NETO1: variants seen among roughly 807,000 people sequenced by gnomAD.
The protein encoded by NETO1 is neuropilin and tolloid-like protein 1.
In NETO1, 26 loss-of-function variants were observed where a neutral mutation model predicts 61.3. The ratio of observed to expected loss-of-function variants is 0.42; its 90% CI spans 0.31 to 0.59. The LOEUF is 0.59. Ranked by LOEUF, NETO1 falls within the 20% of genes least tolerant of loss-of-function variation. The pLI is 0.12. For synonymous variants in NETO1, 225 were observed against 225.8 expected (o/e 1.00, Z 0.03); for missense variants, 531 against 662.8 (o/e 0.80, Z 2.18).
chr18:72,795,455 T>C (rs1028664540), intron 4 of NETO1, among the ~76,000 whole-genome samples: 1 of 152,206 alleles, frequency 6.6e-6, no homozygotes, highest in East Asian at 1.9e-4. Flanking sequence ...TTGTATTATC[T>C]TATTTGATGC....
Position 72,860,969 on chromosome 18 carries a change from G to C in NETO1, c.221-1895C>G, listed in dbSNP as rs145952693. ...TTTTATGATGAAACAAATTATTTCGGATTGTAGGTTAATTTAAATAACGTA... is the reference window on the plus strand; with the variant it reads ...TTTTATGATGAAACAAATTATTTCGCATTGTAGGTTAATTTAAATAACGTA... On this transcript the variant is annotated intron_variant, in intron 3 of 10. Transcript: ENST00000327305. Among the ~76,000 whole-genome samples, 156 of 152,248 alleles carry C rather than the reference G, an allele frequency of 1.0e-3. 3 individuals carry two copies. In the East Asian group the frequency reaches 0.026, roughly 25 times the overall value.
intron 7 of NETO1, among the ~76,000 whole-genome samples, chr18:72,769,046 GAGAGGGCAGTGA>G (rs2071258782): frequency 6.6e-6 from 1 of 152,212 alleles, no homozygotes; most frequent in South Asian, 2.1e-4. Context: ...GCAGGGACAG[GAGAGGGCAGTGA>G]TGAGAAAAGT....
rs1373717641 is a variant in NETO1 at position 72,783,703 on chromosome 18, C to G, written c.843G>C (p.Gln281His). Residue 281 changes from glutamine to histidine, a missense_variant, in exon 7 of 11, where the codon CAG becomes CAC. Gln to His is a conservative substitution (Grantham distance 24, BLOSUM62 0). Coordinates refer to ENST00000327305, the MANE Select transcript of NETO1 (RefSeq NM_138966.5). ...GTTCTTGAAAGGATGTGAAGAGCAT[C>G]TGAAATCGGCTGTTTCGACTGCCCT... ...ADEGSRNSRF[Q>H]MLFTSFQEPP... 1.2e-6 allele frequency: 2 copies of G among 1,614,176 alleles called. No homozygotes were observed. Among genetic ancestry groups the G allele is most frequent in the Non-Finnish European group, 1.7e-6 (2 of 1,180,018 alleles).
At chr18:72,852,638 T>C (rs1158622752) in intron 4 of NETO1, among the ~76,000 whole-genome samples, 1 of 152,148 alleles carries the variant, frequency 6.6e-6, no homozygotes, top group East Asian at 1.9e-4. Context: ...TCTCAGCTTT[T>C]CTCCTGAACA....
At chr18:72,772,388 G>A (rs67721138) in intron 7 of NETO1, among the ~76,000 whole-genome samples, 48,803 of 151,530 alleles carry the variant, frequency 0.32, 8,425 homozygotes, top group South Asian at 0.47. Flanking sequence ...TCTCATCTAA[G>A]TCTCATCGGT....
intron 4 of NETO1, among the ~76,000 whole-genome samples, chr18:72,813,072 A>T (rs1478065495): frequency 6.6e-6 from 1 of 152,112 alleles, no homozygotes; most frequent in Non-Finnish European, 1.5e-5. Context: ...ATTCACCACC[A>T]CTTACGTGAG....
intron 7 of NETO1, among the ~76,000 whole-genome samples, chr18:72,766,220 ATGTG>A (rs34670401): frequency 0.085 from 12,242 of 144,544 alleles, 1,362 homozygotes; most frequent in African/African-American, 0.26. Flanking sequence ...AAAAAAAAAT[ATGTG>A]TGTGTGTGTG....
At chr18:72,773,460 G>T (rs4891487) in intron 7 of NETO1, among the ~76,000 whole-genome samples, 1 of 151,952 alleles carries the variant, frequency 6.6e-6, no homozygotes, top group African/African-American at 2.4e-5. Context: ...TTACATAAGC[G>T]TTCTACACCA....
Position 72,867,590 on chromosome 18 carries a change from A to G in NETO1, c.-299T>C, listed in dbSNP as rs1052554516. On this transcript the variant is annotated 5_prime_UTR_variant, in exon 1 of 11. Transcript: ENST00000327305. Reference sequence around the variant, plus strand: ...GCATCACACCCGGGCGCCGGCCGCCACCATCCGCGCCGCCGCCGTCAGGAC... The same window carrying G: ...GCATCACACCCGGGCGCCGGCCGCCGCCATCCGCGCCGCCGCCGTCAGGAC... 2 of 276,162 alleles carry G rather than the reference A, an allele frequency of 7.2e-6. No homozygotes were observed. Among genetic ancestry groups the G allele is most frequent in the African/African-American group, 4.6e-5 (2 of 43,774 alleles). 17.1% of individuals were successfully genotyped at this position (276,162 alleles called of 1,614,324 possible). A position where few individuals can be genotyped will look rare whatever the true frequency, so the allele number is the denominator to read the frequency against.
At chr18:72,758,171 G>A (rs2070846906) in intron 7 of NETO1, among the ~76,000 whole-genome samples, 1 of 152,034 alleles carries the variant, frequency 6.6e-6, no homozygotes, top group Admixed American at 6.5e-5. Flanking sequence ...AATCCAAATG[G>A]GATTGTGTCT....
intron 6 of NETO1, among the ~76,000 whole-genome samples, chr18:72,788,175 T>G (rs540649138): frequency 1.5e-4 from 23 of 152,296 alleles, no homozygotes; most frequent in African/African-American, 5.1e-4. Flanking sequence ...GCTACCTAAG[T>G]ATCTTCTATA....
intron 7 of NETO1, among the ~76,000 whole-genome samples, chr18:72,775,970 G>C (rs903867699): frequency 6.6e-6 from 1 of 151,910 alleles, no homozygotes; most frequent in Non-Finnish European, 1.5e-5. Context: ...AGAGATATTA[G>C]GATATTATCA....
At chr18:72,816,426 C>T (rs957813849) in intron 4 of NETO1, among the ~76,000 whole-genome samples, 1 of 152,124 alleles carries the variant, frequency 6.6e-6, no homozygotes, top group South Asian at 2.1e-4. Context: ...GGACAGAGAC[C>T]ATTCAAAATG....
intron 7 of NETO1, among the ~76,000 whole-genome samples, chr18:72,773,969 T>C (rs552254344): frequency 3.5e-4 from 53 of 152,074 alleles, no homozygotes; most frequent in Admixed American, 1.4e-3. Flanking sequence ...TATAATAATA[T>C]AGACAAAAGA....
intron 4 of NETO1, among the ~76,000 whole-genome samples, chr18:72,824,724 A>AC (rs2073321276): frequency 6.7e-6 from 1 of 150,270 alleles, no homozygotes; most frequent in East Asian, 2.0e-4. Context: ...AAAAAAACAA[A>AC]CAAAAAAAGC....
At chr18:72,742,805 G>T (rs975769636), downstream of NETO1, 7 of 152,064 alleles carry the variant, frequency 4.6e-5, no homozygotes, top group Non-Finnish European at 1.0e-4. Flanking sequence ...TTATTAATTA[G>T]TCATAGAATT....
rs143241449 is a variant in NETO1 at position 72,769,458 on chromosome 18, T to G, written c.869-13311A>C. ...ATGGGTTCTTTTCTGATATTATAGA[T>G]GAGTCAATTAACCCAACATAGAAAA... is the stretch of plus-strand genomic sequence containing the variant. On this transcript the variant is annotated intron_variant, in intron 7 of 10. Transcript: ENST00000327305. Among the ~76,000 whole-genome samples, 8 of 152,344 alleles carry G rather than the reference T, an allele frequency of 5.3e-5. No homozygotes were observed. The East Asian group carries it at 1.5e-3, about 29-fold the overall frequency.
chr18:72,744,351 T>C lies in NETO1; in HGVS notation c.*3828A>G, dbSNP rs1018589309. On this transcript the variant is annotated 3_prime_UTR_variant, in exon 11 of 11. Transcript: ENST00000327305. ...CAGATTTATTTAGCAGGATTATTTA[T>C]AAAAACATTTCTGGCTATTTTAACA... 1 of 152,196 alleles carries C rather than the reference T, an allele frequency of 6.6e-6. No homozygotes were observed. The highest frequency in any genetic ancestry group is 1.5e-5 in the Non-Finnish European group (1 of 68,024). 9.4% of individuals were successfully genotyped at this position (152,196 alleles called of 1,614,324 possible). A position where few individuals can be genotyped will look rare whatever the true frequency, so the allele number is the denominator to read the frequency against.
intron 6 of NETO1, among the ~76,000 whole-genome samples, chr18:72,787,121 CTG>C (rs2145246378): frequency 6.7e-6 from 1 of 148,714 alleles, no homozygotes; most frequent in East Asian, 2.1e-4. Flanking sequence ...ACTGAAAACA[CTG>C]TAAAAATCAA....
Sources: allele counts gnomAD v4.1 joint callset (sites outside exome capture counted in the v4.1 genomes callset), GRCh38; gene constraint gnomAD v4.1.1; transcripts MANE v1.5; gene names NCBI Gene and HGNC (gene_info 2026-07-23, HGNC 2026-07-21).